UPRT: variants seen among roughly 807,000 people sequenced by gnomAD.
UPRT encodes the protein uracil phosphoribosyltransferase homolog, also known as RP11-311P8.3.
Under a neutral mutation model 22.6 loss-of-function variants are expected in UPRT, and 5 were observed. The observed-to-expected ratio is 0.22, with a 90% CI of 0.12 to 0.47. UPRT has a LOEUF of 0.47. UPRT is among the 20% of genes least tolerant of loss of function. The pLI, the probability that UPRT is intolerant of heterozygous loss-of-function variation, is 0.99. For missense variants in UPRT, 181 were observed against 239.9 expected (o/e 0.75, Z 1.62); for synonymous variants, 77 against 87.7 (o/e 0.88, Z 0.68).
intron 4 of UPRT, among the ~76,000 whole-genome samples, chrX:75,186,257 T>C (rs1306797915): frequency 8.9e-6 from 1 of 111,840 alleles, no homozygotes; most frequent in African/African-American, 3.3e-5. Context: ...ACATCTTTAT[T>C]TCTGCCGTCA....
At position 75,203,955 on chromosome X, in the gene UPRT, G is replaced by T. The variant is rs191278688; in HGVS notation, c.-447+36076G>T. On this transcript the variant is annotated intron_variant, in intron 4 of 13. Coordinates refer to the UPRT transcript ENST00000652605. ...GAGGGGTGTTGTTGATTATCTGGTT[G>T]CTTCCTGCTGAATAGGGGCCCTGTA... Among the ~76,000 whole-genome samples the T allele has an allele frequency of 3.4e-3, 376 of 110,947 alleles. 2 individuals carry two copies. Among genetic ancestry groups the T allele is most frequent in the African/African-American group, 0.012 (359 of 30,488 alleles).
At chrX:75,177,386 G>A (rs1375984045) in intron 4 of UPRT, among the ~76,000 whole-genome samples, 2 of 111,533 alleles carry the variant, frequency 1.8e-5, no homozygotes, top group African/African-American at 3.3e-5. Flanking sequence ...GGTCCTTACC[G>A]ACGCATTCTT....
upstream of UPRT, among the ~76,000 whole-genome samples, chrX:75,269,382 C>T (rs755691049): frequency 8.9e-6 from 1 of 111,875 alleles, no homozygotes; most frequent in Non-Finnish European, 1.9e-5. Flanking sequence ...CACTGACTTT[C>T]TTCACAGAAC....
intron 4 of UPRT, among the ~76,000 whole-genome samples, chrX:75,226,189 A>G (rs2082423534): frequency 1.8e-5 from 2 of 111,435 alleles, no homozygotes; most frequent in African/African-American, 6.5e-5. Context: ...TTTAAAATAT[A>G]TCAAGATTTG....
rs1033226230 is a variant in UPRT at position 75,241,458 on chromosome X, C to G, written c.-446-49566C>G. Among the ~76,000 whole-genome samples, 11 of 111,570 alleles carry G rather than the reference C, an allele frequency of 9.9e-5. 1 individual carries two copies. The Admixed American group carries it at 1.0e-3, about 11-fold the overall frequency. On this transcript the variant is annotated intron_variant, in intron 4 of 13. Transcript: ENST00000652605. The stretch of plus-strand genomic sequence containing the variant: ...GCATGGATGTGGTGAAAAGGGAACA[C>G]TTTTACACTGCTGTTGGGAATGTAA...
intron 4 of UPRT, among the ~76,000 whole-genome samples, chrX:75,299,506 TA>T (rs773750177): frequency 3.9e-4 from 44 of 112,008 alleles, no homozygotes; most frequent in Non-Finnish European, 5.6e-5. Flanking sequence ...AAGCTAGCAA[TA>T]AAACTAGCTT....
At chrX:75,177,586 C>G (rs1468451879) in intron 4 of UPRT, among the ~76,000 whole-genome samples, 2 of 111,383 alleles carry the variant, frequency 1.8e-5, no homozygotes, top group Non-Finnish European at 3.8e-5. Flanking sequence ...AGGGCCATAC[C>G]CTGAGGGAGG....
intron 2 of UPRT, among the ~76,000 whole-genome samples, chrX:75,162,899 A>G: frequency 9.0e-6 from 1 of 111,661 alleles, no homozygotes; most frequent in Non-Finnish European, 1.9e-5. Flanking sequence ...TGTCGTGTTG[A>G]TTTCATGGTG....
chrX:75,176,628 T>C (rs1015001686), intron 4 of UPRT, among the ~76,000 whole-genome samples: 2 of 110,737 alleles, frequency 1.8e-5, no homozygotes, highest in African/African-American at 6.6e-5. Context: ...CCTTTGGAGA[T>C]TTCTTTGCTT....
chrX:75,254,831 A>C (rs1182494905), intron 4 of UPRT, among the ~76,000 whole-genome samples: 2 of 94,647 alleles, frequency 2.1e-5, no homozygotes, highest in Non-Finnish European at 4.0e-5. Flanking sequence ...TGCGGACTGC[A>C]GTGGCGCAAT....
Position 75,232,862 on chromosome X carries a change from TC to T in UPRT, c.-446-58161del, listed in dbSNP as rs777271403. 3.0e-3 allele frequency among the ~76,000 whole-genome samples: 339 copies of T among 111,309 alleles called. 2 individuals are homozygous for T. The highest frequency in any genetic ancestry group is 0.011 in the South Asian group (30 of 2,638). On this transcript the variant is annotated intron_variant, in intron 4 of 13. Coordinates refer to the UPRT transcript ENST00000652605. ...AAAACAGAGCAGAAAAACTGGAAACTCTAAAAAGCAGAGCGCCTCTCCTCCT... is the reference window on the plus strand; with the variant it reads ...AAAACAGAGCAGAAAAACTGGAAACTTAAAAAGCAGAGCGCCTCTCCTCCT...
At chrX:75,199,429 C>T (rs943530096) in intron 4 of UPRT, among the ~76,000 whole-genome samples, 9 of 111,401 alleles carry the variant, frequency 8.1e-5, no homozygotes, top group Non-Finnish European at 1.7e-4. Context: ...CAGAAGGGAA[C>T]ATGATGCTTT....
At chrX:75,224,395 CTTA>C (rs1005312021) in intron 4 of UPRT, among the ~76,000 whole-genome samples, 17 of 110,820 alleles carry the variant, frequency 1.5e-4, no homozygotes, top group African/African-American at 3.9e-4. Flanking sequence ...GCTCCCACAG[CTTA>C]TTATTATTTC....
At position 75,284,964 on chromosome X, in the gene UPRT, G is replaced by A. The variant is rs771738358; in HGVS notation, c.387-8508G>A. ...TCTGAGCTCAGGCTGTCCTTGGGCC[G>A]GTCTTGCTGTGGCTGCCGTAGGGGA... On this transcript the variant is annotated intron_variant, in intron 1 of 6. Coordinates refer to ENST00000373383, the MANE Select transcript of UPRT (RefSeq NM_145052.4). Among the ~76,000 whole-genome samples the A allele has an allele frequency of 1.2e-4, 13 of 111,011 alleles. No individual in the cohort carries two copies. In the South Asian group the frequency reaches 3.1e-3, roughly 26 times the overall value.
intron 4 of UPRT, among the ~76,000 whole-genome samples, chrX:75,170,813 G>A (rs766489509): frequency 1.8e-5 from 2 of 111,202 alleles, no homozygotes; most frequent in African/African-American, 6.5e-5. Flanking sequence ...TCTGAAAAAG[G>A]CTATCTCTCC....
chrX:75,165,191 A>G (rs755038097), intron 3 of UPRT, among the ~76,000 whole-genome samples: 12 of 111,000 alleles, frequency 1.1e-4, no homozygotes, highest in African/African-American at 3.9e-4. Flanking sequence ...GTTGCTCAAT[A>G]CTATCTATTC....
intron 4 of UPRT, among the ~76,000 whole-genome samples, chrX:75,254,229 C>A (rs1226246537): frequency 9.0e-6 from 1 of 111,016 alleles, no homozygotes; most frequent in African/African-American, 3.3e-5. Flanking sequence ...TAGTTATTAA[C>A]CTAATCAGGA....
chrX:75,218,697 A>T (rs1234611193), intron 4 of UPRT, among the ~76,000 whole-genome samples: 1 of 98,695 alleles, frequency 1.0e-5, no homozygotes, highest in South Asian at 5.4e-4. Flanking sequence ...ACCATGGAAT[A>T]CTATGCAGCC....
At chrX:75,165,533 C>G (rs2147601128) in intron 3 of UPRT, among the ~76,000 whole-genome samples, 1 of 110,970 alleles carries the variant, frequency 9.0e-6, no homozygotes, top group South Asian at 3.8e-4. Context: ...TACAATTCTC[C>G]AATGTTTGAA....
Sources: gnomAD v4.1 joint callset for allele counts (sites outside exome capture counted in the v4.1 genomes callset) on GRCh38, gnomAD v4.1.1 for gene constraint, MANE v1.5 for transcripts, NCBI Gene and HGNC (gene_info 2026-07-23, HGNC 2026-07-21) for gene names.